The following CISD1 variants were observed in gnomAD, a reference collection of about 807,000 sequenced individuals.
CISD1 encodes the protein CDGSH iron-sulfur domain-containing protein 1.
In CISD1, 8 loss-of-function variants were observed where a neutral mutation model predicts 12.0. That is an observed-to-expected ratio of 0.67 (90% confidence interval 0.39 to 1.20). The LOEUF (loss-of-function observed/expected upper bound fraction) is 1.20, where lower values mean the gene tolerates loss of function less well. CISD1 is among the 50% of genes most tolerant of loss of function. The probability of loss-of-function intolerance (pLI) is 0.01; values close to 1 mark genes in which losing one functional copy is unlikely to be tolerated. For missense variants in CISD1, 107 were observed against 132.7 expected, an observed-to-expected ratio of 0.81 and a Z score of 0.95; for synonymous variants, 38 against 42.2, an observed-to-expected ratio of 0.90 and a Z score of 0.39.
Position 58,280,183 on chromosome 10 carries a change from A to G in CISD1, c.237+2861A>G, listed in dbSNP as rs562413055. ...TCTGGTTCTTGTACTGCCCTTCCCC[A>G]AGGAATAAATCTAAACTGAGGACAA... On this transcript the variant is annotated intron_variant, in intron 2 of 2. Coordinates refer to ENST00000333926, the MANE Select transcript of CISD1 (RefSeq NM_018464.5). Among the ~76,000 whole-genome samples, 26 of 152,342 alleles carry G rather than the reference A, an allele frequency of 1.7e-4. 1 individual carries two copies. In the South Asian group the frequency reaches 4.8e-3, roughly 28 times the overall value.
intron 1 of CISD1, among the ~76,000 whole-genome samples, chr10:58,272,507 G>A (rs959964220): frequency 6.6e-6 from 1 of 151,962 alleles, no homozygotes; most frequent in Admixed American, 6.6e-5. Context: ...TATTGTTTTG[G>A]TTCACTAAAT....
At chr10:58,269,460 G>A (rs1839215665) in intron 1 of CISD1, among the ~76,000 whole-genome samples, 156 bp downstream of exon 1, 1 of 152,236 alleles carries the variant, frequency 6.6e-6, no homozygotes, top group African/African-American at 2.4e-5. Flanking sequence ...GCGGGCTCCG[G>A]GCCGGACAGC....
chr10:58,284,976 CAT>C (rs1315561028), intron 2 of CISD1, among the ~76,000 whole-genome samples: 3 of 152,116 alleles, frequency 2.0e-5, no homozygotes, highest in South Asian at 2.1e-4. Flanking sequence ...GTTTATTAAA[CAT>C]ATGTCACTTT....
intron 2 of CISD1, among the ~76,000 whole-genome samples, chr10:58,278,921 G>A (rs1291670974): frequency 6.6e-6 from 1 of 152,158 alleles, no homozygotes; most frequent in Non-Finnish European, 1.5e-5. Context: ...TGCTGATGTA[G>A]GTATTCTGGT....
intron 1 of CISD1, chr10:58,276,179 A>T (rs1839313549): frequency 6.6e-6 from 1 of 152,200 alleles, no homozygotes; most frequent in Non-Finnish European, 1.5e-5. Flanking sequence ...GATTATGCAG[A>T]ACTTTCTTCT....
chr10:58,279,245 TA>T (rs975407304), intron 2 of CISD1, among the ~76,000 whole-genome samples: 1 of 152,120 alleles, frequency 6.6e-6, no homozygotes, highest in Non-Finnish European at 1.5e-5. Flanking sequence ...ATATAAAACA[TA>T]AGTAAATTTT....
chr10:58,273,589 G>A (rs1426138427), intron 1 of CISD1: 1 of 151,776 alleles, frequency 6.6e-6, no homozygotes, highest in African/African-American at 2.4e-5. Flanking sequence ...TGATGAGTTT[G>A]GGAACAAGTC....
chr10:58,269,483 G>A (rs992241611), intron 1 of CISD1, among the ~76,000 whole-genome samples, 179 bp downstream of exon 1: 8 of 152,188 alleles, frequency 5.3e-5, no homozygotes, highest in African/African-American at 1.9e-4. Context: ...AAGGGGGCGA[G>A]GTCAGGGATG....
At position 58,289,296 on chromosome 10, in the gene CISD1, G is replaced by T. The variant is rs1406205368; in HGVS notation, c.*1646G>T. On this transcript the variant is annotated 3_prime_UTR_variant, in exon 3 of 3. Transcript: ENST00000333926. ...AAAGGGACATCCTTCTAACTTAACA[G>T]ACTATTCTTTATCTTGAATTTGAAA... 1.3e-5 allele frequency: 2 copies of T among 152,168 alleles called. No individual in the cohort carries two copies. Among genetic ancestry groups the T allele is most frequent in the Admixed American group, 1.3e-4 (2 of 15,254 alleles). 9.4% of individuals were successfully genotyped at this position (152,168 alleles called of 1,614,324 possible). A position where few individuals can be genotyped will look rare whatever the true frequency, so the allele number is the denominator to read the frequency against.
intron 1 of CISD1, among the ~76,000 whole-genome samples, chr10:58,271,758 TA>T (rs11435070): frequency 5.3e-5 from 8 of 151,530 alleles, no homozygotes; most frequent in Non-Finnish European, 1.2e-4. Context: ...AGGTAGTTTA[TA>T]AAAAAAAATT....
chr10:58,269,590 C>T (rs539562828), intron 1 of CISD1, among the ~76,000 whole-genome samples: 2 of 152,310 alleles, frequency 1.3e-5, no homozygotes, highest in East Asian at 3.9e-4. Flanking sequence ...TTTTCTTGTT[C>T]ACCCCTAAGA....
At chr10:58,277,031 C>G in intron 1 of CISD1, 86 bp from the exon 2 acceptor site, 1 of 971,900 alleles carries the variant, frequency 1.0e-6, no homozygotes, top group Non-Finnish European at 1.6e-6. Context: ...GCTTAATACT[C>G]AAAAACTGGA....
intron 1 of CISD1, among the ~76,000 whole-genome samples, chr10:58,274,716 G>T (rs766899347): frequency 2.0e-5 from 3 of 151,862 alleles, no homozygotes; most frequent in Non-Finnish European, 2.9e-5. Flanking sequence ...TCTGGAGTCA[G>T]TTTCCATTTC....
chr10:58,279,997 T>A (rs1839356225), intron 2 of CISD1, among the ~76,000 whole-genome samples: 1 of 152,106 alleles, frequency 6.6e-6, no homozygotes, highest in South Asian at 2.1e-4. Context: ...TTTTCTTAAT[T>A]AAAAAAACAT....
Position 58,277,303 on chromosome 10 carries a change from G to A in CISD1, c.218G>A (p.Arg73His), listed in dbSNP as rs769957505. The A allele has an allele frequency of 8.8e-6, 14 of 1,586,910 alleles. No individual in the cohort carries two copies. The highest frequency in any genetic ancestry group is 4.6e-5 in the South Asian group (4 of 86,808). Residue 73 changes from arginine (R) to histidine (H), a missense_variant, in exon 2 of 3, where the codon CGT becomes CAT. Transcript: ENST00000333926. ...EDLGDKAVYC[R>H]CWRSKKFPFC... ...TTGGGAGATAAAGCTGTGTACTGCC[G>A]TTGTTGGAGGTCCAAAAAGGTGAGG...
At chr10:58,278,632 T>C (rs942247944) in intron 2 of CISD1, among the ~76,000 whole-genome samples, 1 of 152,234 alleles carries the variant, frequency 6.6e-6, no homozygotes, top group Non-Finnish European at 1.5e-5. Context: ...AAGCACGTTA[T>C]GTTGGGGATC....
chr10:58,280,186 G>C (rs1402990753), intron 2 of CISD1, among the ~76,000 whole-genome samples: 1 of 152,156 alleles, frequency 6.6e-6, no homozygotes, highest in Non-Finnish European at 1.5e-5. Flanking sequence ...CTTCCCCAAG[G>C]AATAAATCTA....
At chr10:58,269,457 C>T (rs902770043) in intron 1 of CISD1, among the ~76,000 whole-genome samples, 153 bp downstream of exon 1, 1 of 152,190 alleles carries the variant, frequency 6.6e-6, no homozygotes, top group Non-Finnish European at 1.5e-5. Context: ...GCTGCGGGCT[C>T]CGGGCCGGAC....
intron 2 of CISD1, among the ~76,000 whole-genome samples, chr10:58,283,624 C>A (rs1839396641): frequency 6.6e-6 from 1 of 152,130 alleles, no homozygotes; most frequent in Non-Finnish European, 1.5e-5. Flanking sequence ...AAAACAGAGG[C>A]ATAACTTGAG....
Sources: allele counts gnomAD v4.1 joint callset (sites outside exome capture counted in the v4.1 genomes callset), GRCh38; gene constraint gnomAD v4.1.1; transcripts MANE v1.5; gene names NCBI Gene and HGNC (gene_info 2026-07-23, HGNC 2026-07-21).